The following SLC6A6 variants were observed in gnomAD, a reference collection of about 807,000 sequenced individuals.
The protein encoded by SLC6A6 is sodium- and chloride-dependent taurine transporter.
SLC6A6 carries 16 observed loss-of-function variants against 68.8 expected under a neutral mutation model. The ratio of observed to expected loss-of-function variants is 0.23; its 90% CI spans 0.16 to 0.35. SLC6A6 has a LOEUF of 0.35. Among genes scored for constraint, SLC6A6 ranks in the 10% least tolerant of loss-of-function variants. The probability of loss-of-function intolerance (pLI) is 1.00; values close to 1 mark genes in which losing one functional copy is unlikely to be tolerated. For synonymous variants in SLC6A6, 312 were observed against 315.4 expected, an observed-to-expected ratio of 0.99 and a Z score of 0.12; for missense variants, 474 against 802.8, an observed-to-expected ratio of 0.59 and a Z score of 4.95.
At chr3:14,451,599 G>A (rs910989074) in intron 5 of SLC6A6, among the ~76,000 whole-genome samples, 1 of 152,190 alleles carries the variant, frequency 6.6e-6, no homozygotes. Context: ...TGAGAAGGGA[G>A]GTGGTGTGAC....
At chr3:14,478,925 A>T in intron 12 of SLC6A6, 160 bp from the exon 13 acceptor site, 1 of 614,474 alleles carries the variant, frequency 1.6e-6, no homozygotes. Flanking sequence ...GCAGAGTTAT[A>T]TTTGAATTTC....
At chr3:14,465,015 C>T (rs866161245) in intron 6 of SLC6A6, among the ~76,000 whole-genome samples, 1 of 152,222 alleles carries the variant, frequency 6.6e-6, no homozygotes, top group African/African-American at 2.4e-5. Flanking sequence ...GCCCACCAAG[C>T]CTCAGTTTCT....
chr3:14,426,829 C>T (rs1176901135), intron 2 of SLC6A6, among the ~76,000 whole-genome samples: 1 of 152,126 alleles, frequency 6.6e-6, no homozygotes, highest in Non-Finnish European at 1.5e-5. Context: ...GAAGAAGAAA[C>T]TTCTGGGCCG....
intron 9 of SLC6A6, among the ~76,000 whole-genome samples, chr3:14,469,896 G>A (rs1253117765): frequency 1.3e-5 from 2 of 152,148 alleles, no homozygotes; most frequent in Non-Finnish European, 2.9e-5. Context: ...TGGACCCTCA[G>A]ATGTACTGTT....
rs994728671 is a variant in SLC6A6 at position 14,436,009 on chromosome 3, G to A, written c.-11-7615G>A. ...CTCTGGAGGCTTTGGAGCTCGCCAC[G>A]CTTGAGTTAGCCTTTCCTTGGGAGC... On this transcript the variant is annotated intron_variant, in intron 2 of 14. Transcript: ENST00000622186. Among the ~76,000 whole-genome samples, 7 of 152,158 alleles carry A rather than the reference G, an allele frequency of 4.6e-5. No individual in the cohort carries two copies. In the South Asian group the frequency reaches 8.3e-4, roughly 18 times the overall value.
chr3:14,422,209 C>T (rs1467430806), intron 2 of SLC6A6, among the ~76,000 whole-genome samples: 2 of 152,128 alleles, frequency 1.3e-5, no homozygotes, highest in Admixed American at 1.3e-4. Flanking sequence ...GGAGGGCTGG[C>T]TCCTCAGGCA....
rs144946758 is a variant in SLC6A6, at chr3:14,466,765, A to G, written c.867+115A>G. On this transcript the variant is annotated intron_variant, in intron 7 of 14. Coordinates refer to ENST00000622186, the MANE Select transcript of SLC6A6 (RefSeq NM_003043.6). Reference sequence around the variant, plus strand: ...CATCTTCCGTGGTTCTTCAGTGCACAGGTCTAGCTGGGCCACCGCCCCCTG... The same window carrying G: ...CATCTTCCGTGGTTCTTCAGTGCACGGGTCTAGCTGGGCCACCGCCCCCTG... 2.7e-5 allele frequency: 27 copies of G among 1,009,498 alleles called. No homozygotes were observed. In the African/African-American group the frequency reaches 3.8e-4, roughly 14 times the overall value. 62.5% of individuals were successfully genotyped at this position (1,009,498 alleles called of 1,614,324 possible).
intron 9 of SLC6A6, among the ~76,000 whole-genome samples, chr3:14,471,676 A>G (rs909739215): frequency 6.6e-6 from 1 of 152,108 alleles, no homozygotes. Context: ...GAGCCCCACA[A>G]ATGCACCCCT....
intron 14 of SLC6A6, among the ~76,000 whole-genome samples, chr3:14,483,373 C>G (rs1701055503): frequency 6.6e-6 from 1 of 152,244 alleles, no homozygotes; most frequent in South Asian, 2.1e-4. Flanking sequence ...GTCCTCCCAG[C>G]CATGAGCTTC....
intron 6 of SLC6A6, among the ~76,000 whole-genome samples, chr3:14,463,873 G>C (rs1700553762): frequency 6.6e-6 from 1 of 152,204 alleles, no homozygotes; most frequent in Non-Finnish European, 1.5e-5. Context: ...GAGCCATCCT[G>C]ACAGTGCCGG....
chr3:14,465,667 A>T (rs1451498073), intron 6 of SLC6A6, among the ~76,000 whole-genome samples: 1 of 152,222 alleles, frequency 6.6e-6, no homozygotes, highest in Non-Finnish European at 1.5e-5. Flanking sequence ...CGGAGCTGGG[A>T]TTTGAACCCT....
intron 6 of SLC6A6, among the ~76,000 whole-genome samples, chr3:14,459,264 T>A (rs1700440585): frequency 1.3e-5 from 2 of 152,216 alleles, no homozygotes; most frequent in South Asian, 4.1e-4. Flanking sequence ...CAGATGGAGC[T>A]GTGGGCAGTG....
At chr3:14,476,594 C>A (rs1700884613) in intron 10 of SLC6A6, among the ~76,000 whole-genome samples, 1 of 152,222 alleles carries the variant, frequency 6.6e-6, no homozygotes, top group African/African-American at 2.4e-5. Context: ...CTGTGTGAAT[C>A]TGACCTGAAC....
At chr3:14,482,530 G>A (rs1383341915) in intron 14 of SLC6A6, among the ~76,000 whole-genome samples, 1 of 152,198 alleles carries the variant, frequency 6.6e-6, no homozygotes, top group Non-Finnish European at 1.5e-5. Flanking sequence ...GCTTGGGCTG[G>A]CTCCAAGAGT....
At chr3:14,419,401 A>G (rs1397828058) in intron 2 of SLC6A6, among the ~76,000 whole-genome samples, 1 of 152,208 alleles carries the variant, frequency 6.6e-6, no homozygotes, top group Admixed American at 6.5e-5. Context: ...GAGAAGGGGC[A>G]TGATGCGGAC....
chr3:14,465,388 G>A lies in SLC6A6; in HGVS notation c.733-1128G>A, dbSNP rs143957881. Among the ~76,000 whole-genome samples, 1,017 of 152,270 alleles carry A rather than the reference G, an allele frequency of 6.7e-3. 9 individuals carry two copies. Among genetic ancestry groups the A allele is most frequent in the African/African-American group, 0.021 (889 of 41,528 alleles). The stretch of plus-strand genomic sequence containing the variant: ...GGGTCTCCCAGAGGCCCGGTGAAGC[G>A]GGGAGCCTTTCCTATTCCCAGTTAA... On this transcript the variant is annotated intron_variant, in intron 6 of 14. Coordinates refer to ENST00000622186, the MANE Select transcript of SLC6A6 (RefSeq NM_003043.6).
chr3:14,468,048 G>T lies in SLC6A6; in HGVS notation c.972-40G>T. 1 of 1,613,978 alleles carries T rather than the reference G, an allele frequency of 6.2e-7. No homozygotes were observed. Among genetic ancestry groups the T allele is most frequent in the Non-Finnish European group, 8.5e-7 (1 of 1,179,864 alleles). Reference sequence around the variant, plus strand: ...GAAGTAGGGAGCGTGGCTTCCTTGTGTTGTGAATTAACTTGCTCCCTGACA... The same window carrying T: ...GAAGTAGGGAGCGTGGCTTCCTTGTTTTGTGAATTAACTTGCTCCCTGACA... On this transcript the variant is annotated intron_variant, in intron 8 of 14. Coordinates refer to ENST00000622186, the MANE Select transcript of SLC6A6 (RefSeq NM_003043.6). The surrounding 1 kb of genome is among the most constrained non-coding windows in gnomAD (Gnocchi z 4.5).
At position 14,466,606 on chromosome 3, in the gene SLC6A6, A is replaced by G. The variant is rs763483440; in HGVS notation, c.823A>G (p.Lys275Glu). 2 of 1,613,398 alleles carry G rather than the reference A, an allele frequency of 1.2e-6. No homozygotes were observed. Among genetic ancestry groups the G allele is most frequent in the Non-Finnish European group, 1.7e-6 (2 of 1,179,646 alleles). Residue 275 changes from lysine (K) to glutamate (E), a missense_variant, in exon 7 of 15, where the codon AAG becomes GAG. By Grantham distance (56) the Lys-to-Glu change is moderately conservative. Around this residue, in one of 2 missense-constraint regions of SLC6A6, gnomAD observed 280 missense variants for 533.1 expected, o/e 0.53. Coordinates refer to ENST00000622186, the MANE Select transcript of SLC6A6 (RefSeq NM_003043.6). ...LTLPGAGAGIKFYLYPDITRL... is the reference protein window; with the variant it reads ...LTLPGAGAGIEFYLYPDITRL... Reference sequence around the variant, plus strand: ...GCTGCCGGGCGCGGGCGCAGGCATCAAGTTCTATCTGTATCCTGACATCAC... The same window carrying G: ...GCTGCCGGGCGCGGGCGCAGGCATCGAGTTCTATCTGTATCCTGACATCAC...
intron 1 of SLC6A6, among the ~76,000 whole-genome samples, chr3:14,408,869 T>G (rs1020922715): frequency 6.6e-6 from 1 of 151,838 alleles, no homozygotes; most frequent in East Asian, 1.9e-4. Flanking sequence ...TGCAGTGGCG[T>G]GATCTCAGCT....
Sources: gnomAD v4.1 joint callset for allele counts (sites outside exome capture counted in the v4.1 genomes callset) on GRCh38, gnomAD v4.1.1 for gene constraint, gnomAD v4.1.1 regional missense constraint, Gnocchi (gnomAD v3.1) non-coding constraint, MANE v1.5 for transcripts, NCBI Gene and HGNC (gene_info 2026-07-23, HGNC 2026-07-21) for gene names.